B3GALT1: variants seen among roughly 807,000 people sequenced by gnomAD.
The protein encoded by B3GALT1 is beta-1,3-galactosyltransferase 1.
Under a neutral mutation model 23.2 loss-of-function variants are expected in B3GALT1, and 10 were observed. The observed-to-expected ratio is 0.43, with a 90% CI of 0.27 to 0.73. B3GALT1 has a LOEUF of 0.73. Ranked by LOEUF, B3GALT1 falls within the 30% of genes least tolerant of loss-of-function variation. The pLI, the probability that B3GALT1 is intolerant of heterozygous loss-of-function variation, is 0.21. For missense variants in B3GALT1, 299 were observed against 405.4 expected (o/e 0.74, Z 2.25); for synonymous variants, 156 against 141.5 (o/e 1.10, Z -0.73).
intron 4 of B3GALT1, among the ~76,000 whole-genome samples, chr2:167,821,400 T>TCAG (rs377153482): frequency 2.7e-5 from 4 of 150,372 alleles, no homozygotes; most frequent in African/African-American, 7.4e-5. Flanking sequence ...AAGAGCTGAG[T>TCAG]CAGCCCTCAT....
intron 3 of B3GALT1, among the ~76,000 whole-genome samples, chr2:167,705,085 T>G (rs1378898442): frequency 6.6e-6 from 1 of 152,178 alleles, no homozygotes; most frequent in African/African-American, 2.4e-5. Flanking sequence ...TGCTTGTGTA[T>G]TTGACTCTCT....
intron 1 of B3GALT1, among the ~76,000 whole-genome samples, chr2:167,434,038 T>C (rs1698742558): frequency 6.6e-6 from 1 of 152,106 alleles, no homozygotes; most frequent in African/African-American, 2.4e-5. Context: ...GATTCTATCA[T>C]AAATAAATAA....
chr2:167,543,888 C>A (rs1181451220), intron 2 of B3GALT1, among the ~76,000 whole-genome samples: 1 of 152,302 alleles, frequency 6.6e-6, no homozygotes, highest in South Asian at 2.1e-4. Flanking sequence ...ATTTTCCTTA[C>A]ATAACAAGAA....
intron 1 of B3GALT1, among the ~76,000 whole-genome samples, chr2:167,410,206 C>T (rs1399510100): frequency 3.9e-5 from 6 of 152,062 alleles, no homozygotes; most frequent in Non-Finnish European, 8.8e-5. Context: ...TCTTCTCACT[C>T]ATAAGTGGGA....
At chr2:167,385,280 A>C (rs1005687070) in intron 1 of B3GALT1, among the ~76,000 whole-genome samples, 1 of 152,148 alleles carries the variant, frequency 6.6e-6, no homozygotes, top group Non-Finnish European at 1.5e-5. Flanking sequence ...CATTCTGCCC[A>C]CATTCTGCTT....
At chr2:167,772,683 T>C (rs1478561847) in intron 3 of B3GALT1, among the ~76,000 whole-genome samples, 2 of 152,214 alleles carry the variant, frequency 1.3e-5, no homozygotes, top group African/African-American at 4.8e-5. Context: ...CAGTTTGCAA[T>C]TACCAGATTA....
intron 1 of B3GALT1, among the ~76,000 whole-genome samples, chr2:167,364,997 T>A (rs897350058): frequency 6.6e-6 from 1 of 152,208 alleles, no homozygotes; most frequent in Non-Finnish European, 1.5e-5. Context: ...CTCTGTACTT[T>A]AAATGTTTGA....
intron 2 of B3GALT1, among the ~76,000 whole-genome samples, chr2:167,501,664 C>T (rs1444976807): frequency 1.5e-5 from 2 of 135,704 alleles, no homozygotes; most frequent in African/African-American, 2.7e-5. Flanking sequence ...ATTTTGAAAA[C>T]TTTTTGCTCC....
At chr2:167,565,552 C>G (rs1684143469) in intron 2 of B3GALT1, among the ~76,000 whole-genome samples, 1 of 152,160 alleles carries the variant, frequency 6.6e-6, no homozygotes. Context: ...AAAGAAACTA[C>G]CATCAGAGTG....
intron 4 of B3GALT1, among the ~76,000 whole-genome samples, chr2:167,822,814 T>G (rs1423283874): frequency 3.3e-5 from 5 of 152,188 alleles, no homozygotes; most frequent in Non-Finnish European, 5.9e-5. Flanking sequence ...CTTCTTCCCT[T>G]ACCCGAGGGC....
chr2:167,364,483 C>T (rs1697555104), intron 1 of B3GALT1, among the ~76,000 whole-genome samples: 1 of 152,018 alleles, frequency 6.6e-6, no homozygotes, highest in African/African-American at 2.4e-5. Flanking sequence ...TGCTATCCTT[C>T]CCCGCTCCCC....
intron 1 of B3GALT1, among the ~76,000 whole-genome samples, chr2:167,358,072 CTACT>C (rs1217272067): frequency 1.4e-4 from 21 of 152,300 alleles, no homozygotes; most frequent in Non-Finnish European, 2.8e-4. Flanking sequence ...GTCAAAGTTA[CTACT>C]TACTTATTTT....
intron 4 of B3GALT1, among the ~76,000 whole-genome samples, chr2:167,866,477 T>A (rs1252298015): frequency 6.6e-6 from 1 of 152,204 alleles, no homozygotes; most frequent in Non-Finnish European, 1.5e-5. Flanking sequence ...CAATAAACAT[T>A]TGATTAATTG....
intron 2 of B3GALT1, among the ~76,000 whole-genome samples, chr2:167,558,510 C>T (rs184473119): frequency 6.6e-6 from 1 of 152,320 alleles, no homozygotes; most frequent in East Asian, 1.9e-4. Context: ...GAGGCATTGA[C>T]TCACTCCAGA....
chr2:167,748,697 G>T (rs1259481466), intron 3 of B3GALT1, among the ~76,000 whole-genome samples: 1 of 152,148 alleles, frequency 6.6e-6, no homozygotes, highest in Non-Finnish European at 1.5e-5. Context: ...AAAGTATAAT[G>T]CCTAACTGAA....
At chr2:167,791,879 C>T (rs939884007) in intron 3 of B3GALT1, among the ~76,000 whole-genome samples, 1 of 148,284 alleles carries the variant, frequency 6.7e-6, no homozygotes, top group Non-Finnish European at 1.5e-5. Flanking sequence ...AGTCATTTAA[C>T]CTGCTCCTAG....
intron 3 of B3GALT1, among the ~76,000 whole-genome samples, chr2:167,708,798 T>A (rs1267626267): frequency 6.6e-6 from 1 of 152,200 alleles, no homozygotes; most frequent in Non-Finnish European, 1.5e-5. Context: ...GCCCAGTTTC[T>A]CATTTCTCCT....
chr2:167,821,426 A>G (rs1264030795), intron 4 of B3GALT1, among the ~76,000 whole-genome samples: 2 of 145,952 alleles, frequency 1.4e-5, no homozygotes, highest in Middle Eastern at 3.6e-3. Context: ...TTGACAAGGA[A>G]GGTACTTTTT....
rs144716399 is a variant in B3GALT1 at position 167,414,902 on chromosome 2, C to T, written c.-510-75275C>T. Among the ~76,000 whole-genome samples, 772 of 152,226 alleles carry T rather than the reference C, an allele frequency of 5.1e-3. 8 individuals carry two copies. The highest frequency in any genetic ancestry group is 0.018 in the African/African-American group (738 of 41,534). ...CCCTAACCCATGGCCCAAACTTCTG[C>T]TTTAATTCTTTAACAGATATTTTTC... On this transcript the variant is annotated intron_variant, in intron 1 of 4. Transcript: ENST00000392690.
Sources: gnomAD v4.1 joint callset for allele counts (sites outside exome capture counted in the v4.1 genomes callset) on GRCh38, gnomAD v4.1.1 for gene constraint, MANE v1.5 for transcripts, NCBI Gene and HGNC (gene_info 2026-07-23, HGNC 2026-07-21) for gene names.